Variants in GARNL3 observed in about 807,000 individuals in gnomAD.
GARNL3 encodes the protein GTPase activating Rap/RanGAP domain like 3.
In GARNL3, 63 loss-of-function variants were observed where a neutral mutation model predicts 125.0. That is an observed-to-expected ratio of 0.50 (90% CI 0.41 to 0.62). The LOEUF is 0.62. Among genes scored for constraint, GARNL3 ranks in the 20% least tolerant of loss-of-function variants. The pLI is 0.00. For missense variants in GARNL3, 994 were observed against 1,244.0 expected (o/e 0.80, Z 3.02); for synonymous variants, 439 against 457.5 (o/e 0.96, Z 0.52).
intron 1 of GARNL3, among the ~76,000 whole-genome samples, chr9:127,241,944 T>C (rs1328680277): frequency 2.0e-5 from 3 of 151,398 alleles, no homozygotes; most frequent in African/African-American, 7.3e-5. Context: ...GGTTTGTTGT[T>C]GTTGTTGTTG....
At chr9:127,263,435 G>A (rs1034428262), upstream of GARNL3, among the ~76,000 whole-genome samples, 6 of 152,150 alleles carry the variant, frequency 3.9e-5, no homozygotes, top group East Asian at 1.9e-4. Context: ...TTGGGCATCC[G>A]CTCTCTGCCC....
intron 1 of GARNL3, among the ~76,000 whole-genome samples, chr9:127,271,970 T>G (rs2063834041): frequency 6.7e-6 from 1 of 150,326 alleles, no homozygotes; most frequent in African/African-American, 2.5e-5. Context: ...TCTATACAGA[T>G]AGCATGATTT....
chr9:127,353,781 G>T, intron 17 of GARNL3, 65 bp from the exon 18 acceptor site: 1 of 1,084,108 alleles, frequency 9.2e-7, no homozygotes, highest in Non-Finnish European at 1.4e-6. Flanking sequence ...CCACAGGCAC[G>T]TTTGGTGGGT....
Position 127,269,788 on chromosome 9 carries a change from T to TTTTTGTG in GARNL3, c.144+4771_144+4772insGTGTTTT, listed in dbSNP as rs200868943. On this transcript the variant is annotated intron_variant, in intron 1 of 27. Coordinates refer to ENST00000373387, the MANE Select transcript of GARNL3 (RefSeq NM_032293.5). ...TTTTGTTTTGTTTTGTTTTTTGTGTTTTTTTTTTTTTTTGCTGTCAAGTTG... is the reference window on the plus strand; with the variant it reads ...TTTTGTTTTGTTTTGTTTTTTGTGTTTTTTGTGTTTTTTTTTTTTTGCTGTCAAGTTG... Among the ~76,000 whole-genome samples, 379 of 146,298 alleles carry TTTTTGTG rather than the reference T, an allele frequency of 2.6e-3. 2 individuals carry two copies. Among genetic ancestry groups the TTTTTGTG allele is most frequent in the African/African-American group, 8.9e-3 (363 of 40,610 alleles).
intron 2 of GARNL3, among the ~76,000 whole-genome samples, chr9:127,293,299 T>G (rs1402465517): frequency 1.3e-5 from 2 of 152,244 alleles, no homozygotes; most frequent in African/African-American, 4.8e-5. Flanking sequence ...ATTTTGTTTT[T>G]GGGTTATTTG....
chr9:127,302,302 A>T (rs949994269), intron 2 of GARNL3, among the ~76,000 whole-genome samples: 1 of 152,164 alleles, frequency 6.6e-6, no homozygotes, highest in African/African-American at 2.4e-5. Flanking sequence ...TGGGAAGGCA[A>T]TTAGCAATAA....
intron 9 of GARNL3, 79 bp downstream of exon 9, chr9:127,333,200 C>T (rs1829362413): frequency 1.8e-6 from 2 of 1,121,748 alleles, no homozygotes; most frequent in Non-Finnish European, 2.7e-6. Flanking sequence ...TGAACTTATA[C>T]CAGAGAAGGG....
intron 1 of GARNL3, among the ~76,000 whole-genome samples, chr9:127,225,878 G>A (rs564513305): frequency 1.4e-4 from 21 of 150,898 alleles, no homozygotes; most frequent in African/African-American, 3.9e-4. Flanking sequence ...CCTCTGCCCG[G>A]GCCGCCGGCG....
At chr9:127,333,185 G>A (rs939352436) in intron 9 of GARNL3, 64 bp downstream of exon 9, 60 of 1,306,460 alleles carry the variant, frequency 4.6e-5, no homozygotes, top group Admixed American at 3.1e-4. Context: ...AGCCTGACCC[G>A]TGTCTGAACT....
chr9:127,348,092 G>GC (rs1307582569), intron 16 of GARNL3, among the ~76,000 whole-genome samples: 1 of 152,182 alleles, frequency 6.6e-6, no homozygotes, highest in African/African-American at 2.4e-5. Flanking sequence ...GACACATCAG[G>GC]CCCTGATGCC....
At chr9:127,293,566 G>C (rs974000635) in intron 2 of GARNL3, among the ~76,000 whole-genome samples, 3 of 151,884 alleles carry the variant, frequency 2.0e-5, no homozygotes. Context: ...ACTTTTTATA[G>C]TTTACTGTTC....
rs546279904 is a variant in GARNL3, at chr9:127,296,258, G to C, written c.219+5016G>C. Among the ~76,000 whole-genome samples, 7 of 152,182 alleles carry C rather than the reference G, an allele frequency of 4.6e-5. No individual in the cohort carries two copies. In the East Asian group the frequency reaches 1.4e-3, roughly 29 times the overall value. On this transcript the variant is annotated intron_variant, in intron 2 of 27. Coordinates refer to ENST00000373387, the MANE Select transcript of GARNL3 (RefSeq NM_032293.5). The stretch of plus-strand genomic sequence containing the variant: ...CTAAGAGGCTATGGACCAATACCAG[G>C]GGTTGGTCTGTTATAAAGAGTACAA...
intron 6 of GARNL3, among the ~76,000 whole-genome samples, chr9:127,322,251 C>T (rs1022894605): frequency 2.0e-5 from 3 of 152,036 alleles, no homozygotes; most frequent in African/African-American, 7.3e-5. Flanking sequence ...GGTCTGATCC[C>T]CCACACCAAC....
chr9:127,388,820 T>C (rs1832682569), intron 25 of GARNL3, 84 bp from the exon 26 acceptor site: 6 of 854,428 alleles, frequency 7.0e-6, no homozygotes, highest in Middle Eastern at 2.2e-4. Context: ...CTTCATGCTA[T>C]GTTAAGGAAC....
At chr9:127,329,677 T>C (rs1017347976) in intron 7 of GARNL3, among the ~76,000 whole-genome samples, 3 of 151,890 alleles carry the variant, frequency 2.0e-5, no homozygotes, top group Non-Finnish European at 4.4e-5. Flanking sequence ...ACATCTCAGT[T>C]TCACTTGAAA....
chr9:127,279,146 A>G (rs79833793), intron 1 of GARNL3, among the ~76,000 whole-genome samples: 2 of 151,828 alleles, frequency 1.3e-5, no homozygotes, highest in East Asian at 3.9e-4. Context: ...GCCAGTTCCA[A>G]TTCAGTTTCT....
intron 1 of GARNL3, among the ~76,000 whole-genome samples, chr9:127,272,489 C>CT (rs71493519): frequency 0.015 from 1,804 of 124,058 alleles, 37 homozygotes; most frequent in Middle Eastern, 0.025. Flanking sequence ...CAGGCCAACT[C>CT]TTTTTTTTTT....
chr9:127,341,539 G>A (rs1829858544), intron 13 of GARNL3, among the ~76,000 whole-genome samples: 1 of 152,236 alleles, frequency 6.6e-6, no homozygotes, highest in Admixed American at 6.5e-5. Context: ...GCAAGAAACA[G>A]ATCTGAAACA....
At position 127,291,229 on chromosome 9, in the gene GARNL3, G is replaced by C. The variant is rs755049107; in HGVS notation, c.206G>C (p.Gly69Ala). The C allele has an allele frequency of 4.3e-6, 7 of 1,614,034 alleles. No homozygotes were observed. In the Admixed American group the frequency reaches 1.2e-4, roughly 27 times the overall value. The change falls in exon 2 of 28, where the codon GGC becomes GCC. Residue 69 changes from glycine (G) to alanine (A), a missense_variant. By Grantham distance (60) the Gly-to-Ala change is moderately conservative. Transcript: ENST00000373387. ...GCTGGAAGATTCAGAGTGGAAAATG[G>C]CTCTTCAGATGAGGTAAGGAAGCCT... The part of the protein sequence containing the change: ...QRAGRFRVEN[G>A]SSDENATALP...
Sources: allele counts gnomAD v4.1 joint callset (sites outside exome capture counted in the v4.1 genomes callset), GRCh38; gene constraint gnomAD v4.1.1; transcripts MANE v1.5; gene names NCBI Gene and HGNC (gene_info 2026-07-23, HGNC 2026-07-21).